The following CACNA2D3 variants were observed in gnomAD, a reference collection of about 807,000 sequenced individuals.
CACNA2D3 encodes the protein voltage-dependent calcium channel subunit alpha-2/delta-3.
CACNA2D3 carries 60 observed loss-of-function variants against 160.6 expected under a neutral mutation model. The ratio of observed to expected loss-of-function variants is 0.37; its 90% CI spans 0.30 to 0.46. The LOEUF is 0.46. CACNA2D3 is among the 20% of genes least tolerant of loss of function. The pLI, the probability that CACNA2D3 is intolerant of heterozygous loss-of-function variation, is 1.00. For missense variants in CACNA2D3, 1,205 were observed against 1,365.0 expected (o/e 0.88, Z 1.85); for synonymous variants, 558 against 492.9 (o/e 1.13, Z -1.75).
At chr3:55,004,692 G>C (rs1449543208) in intron 31 of CACNA2D3, 71 bp from the exon 32 acceptor site, 8 of 982,000 alleles carry the variant, frequency 8.1e-6, no homozygotes, top group African/African-American at 1.6e-5. Context: ...TGCTCACCTT[G>C]TAGTACATAG....
intron 4 of CACNA2D3, among the ~76,000 whole-genome samples, chr3:54,482,865 C>T (rs1700955954): frequency 6.6e-6 from 1 of 152,146 alleles, no homozygotes; most frequent in Non-Finnish European, 1.5e-5. Context: ...AGCCCCCTCT[C>T]CTGTACTTTA....
intron 9 of CACNA2D3, among the ~76,000 whole-genome samples, chr3:54,598,770 C>G (rs1046633983): frequency 1.3e-5 from 2 of 152,172 alleles, no homozygotes; most frequent in African/African-American, 4.8e-5. Context: ...TAGAATATGG[C>G]ACAGAAACAG....
At chr3:55,042,924 A>G (rs1428091282) in intron 35 of CACNA2D3, among the ~76,000 whole-genome samples, 1 of 152,210 alleles carries the variant, frequency 6.6e-6, no homozygotes, top group Non-Finnish European at 1.5e-5. Context: ...TTCTTATATC[A>G]GCATAATGCA....
chr3:54,185,802 A>G (rs1024941694), intron 2 of CACNA2D3, among the ~76,000 whole-genome samples: 16 of 152,206 alleles, frequency 1.1e-4, no homozygotes, highest in Admixed American at 3.9e-4. Flanking sequence ...TAGTTTGCCA[A>G]TCCTGTGTTA....
intron 18 of CACNA2D3, chr3:54,874,937 G>A (rs1699623755): frequency 1.3e-5 from 2 of 152,220 alleles, no homozygotes; most frequent in Admixed American, 1.3e-4. Context: ...GCATGGTATT[G>A]TTGTGAGTAC....
At chr3:54,847,571 G>A (rs958380174) in intron 17 of CACNA2D3, among the ~76,000 whole-genome samples, 8 of 152,126 alleles carry the variant, frequency 5.3e-5, no homozygotes, top group African/African-American at 1.9e-4. Flanking sequence ...TGCTCTAATC[G>A]CCCTGGTATT....
At chr3:55,045,578 A>G (rs1329613086) in intron 35 of CACNA2D3, among the ~76,000 whole-genome samples, 1 of 152,196 alleles carries the variant, frequency 6.6e-6, no homozygotes, top group African/African-American at 2.4e-5. Flanking sequence ...ATCTTTATTT[A>G]AGATCATTGA....
At chr3:54,553,531 G>T (rs751371314) in intron 5 of CACNA2D3, among the ~76,000 whole-genome samples, 1 of 152,168 alleles carries the variant, frequency 6.6e-6, no homozygotes, top group African/African-American at 2.4e-5. Flanking sequence ...CTGCACAGGG[G>T]CCACACTTTA....
At chr3:54,570,189 G>C in intron 8 of CACNA2D3, 85 bp downstream of exon 8, 1 of 1,355,998 alleles carries the variant, frequency 7.4e-7, no homozygotes, top group Non-Finnish European at 1.0e-6. Flanking sequence ...CTCGCTGTTA[G>C]ATCCAGAGCA....
intron 17 of CACNA2D3, among the ~76,000 whole-genome samples, chr3:54,860,908 C>G (rs1699277036): frequency 1.3e-5 from 2 of 152,188 alleles, no homozygotes; most frequent in African/African-American, 4.8e-5. Flanking sequence ...AGTTAATGTT[C>G]CTAAAACATC....
chr3:54,847,457 C>G (rs1200232345), intron 17 of CACNA2D3, among the ~76,000 whole-genome samples: 1 of 152,186 alleles, frequency 6.6e-6, no homozygotes, highest in African/African-American at 2.4e-5. Context: ...GCAGTGCCTG[C>G]TATTCAAATG....
At chr3:55,062,070 A>G (rs1704523678) in intron 35 of CACNA2D3, among the ~76,000 whole-genome samples, 1 of 152,134 alleles carries the variant, frequency 6.6e-6, no homozygotes, top group African/African-American at 2.4e-5. Flanking sequence ...TATGAAACCC[A>G]TTTGCCAAAG....
rs183981278 is a variant in CACNA2D3 at position 54,281,958 on chromosome 3, C to A, written c.205-38484C>A. Among the ~76,000 whole-genome samples, 368 of 152,310 alleles carry A rather than the reference C, an allele frequency of 2.4e-3. 4 individuals carry two copies. Among genetic ancestry groups the A allele is most frequent in the Non-Finnish European group, 3.9e-3 (262 of 68,032 alleles). On this transcript the variant is annotated intron_variant, in intron 2 of 37. Coordinates refer to ENST00000474759, the MANE Select transcript of CACNA2D3 (RefSeq NM_018398.3). ...AAGCAAAGTGTTCATTGCTCCCTCT[C>A]TCCCGACATTTATAAAATTAAAAAG...
chr3:54,290,301 TG>T (rs760870695), intron 2 of CACNA2D3, among the ~76,000 whole-genome samples: 5 of 152,166 alleles, frequency 3.3e-5, no homozygotes, highest in Non-Finnish European at 5.9e-5. Context: ...AAAAAGCACA[TG>T]AAGAAATGCT....
intron 35 of CACNA2D3, among the ~76,000 whole-genome samples, chr3:55,046,171 T>C (rs1704076946): frequency 6.7e-6 from 1 of 149,886 alleles, no homozygotes; most frequent in Admixed American, 6.6e-5. Context: ...TACATATGTA[T>C]ACATGTGCCA....
intron 10 of CACNA2D3, chr3:54,639,668 G>GA (rs2106841362): frequency 4.4e-6 from 1 of 227,336 alleles, no homozygotes; most frequent in Non-Finnish European, 8.5e-6. Flanking sequence ...GTCGTAGGTG[G>GA]ATCTTTCTCA....
At chr3:54,313,521 A>G (rs766199535) in intron 2 of CACNA2D3, among the ~76,000 whole-genome samples, 4 of 151,876 alleles carry the variant, frequency 2.6e-5, no homozygotes, top group Non-Finnish European at 4.4e-5. Flanking sequence ...TCCCCACATC[A>G]GGATGGGGTC....
chr3:54,459,244 G>A (rs1211551172), intron 4 of CACNA2D3, among the ~76,000 whole-genome samples: 1 of 151,582 alleles, frequency 6.6e-6, no homozygotes, highest in Non-Finnish European at 1.5e-5. Flanking sequence ...GTGTGCATGT[G>A]TCTTTATAGC....
At chr3:54,865,433 G>A (rs573626832) in intron 17 of CACNA2D3, among the ~76,000 whole-genome samples, 1 of 152,188 alleles carries the variant, frequency 6.6e-6, no homozygotes, top group South Asian at 2.1e-4. Context: ...TCCCGCTACT[G>A]ATCCCCAAGG....
Sources: gnomAD v4.1 joint callset for allele counts (sites outside exome capture counted in the v4.1 genomes callset) on GRCh38, gnomAD v4.1.1 for gene constraint, MANE v1.5 for transcripts, NCBI Gene and HGNC (gene_info 2026-07-23, HGNC 2026-07-21) for gene names.